RPS6KC1: variants seen among roughly 807,000 people sequenced by gnomAD.
RPS6KC1 encodes the protein ribosomal protein S6 kinase C1.
A neutral mutation model predicts 103.8 loss-of-function variants in RPS6KC1; 54 were observed. That is an observed-to-expected ratio of 0.52 (90% confidence interval 0.42 to 0.65). The LOEUF (loss-of-function observed/expected upper bound fraction) is 0.65, where lower values mean the gene tolerates loss of function less well. Ranked by LOEUF, RPS6KC1 falls within the 30% of genes least tolerant of loss-of-function variation. The pLI is 0.00. For synonymous variants in RPS6KC1, 439 were observed against 438.7 expected (o/e 1.00, Z -0.01); for missense variants, 1,151 against 1,253.8 (o/e 0.92, Z 1.24).
the RPS6KC1 span, among the ~76,000 whole-genome samples, chr1:213,770,439 C>T: frequency 9.4e-4 from 143 of 152,248 alleles, no homozygotes; most frequent in African/African-American, 2.9e-3. Context: ...ATGTTGTCTC[C>T]GGTTGTTATT....
chr1:213,447,650 A>G, the RPS6KC1 span, among the ~76,000 whole-genome samples: 4 of 152,088 alleles, frequency 2.6e-5, no homozygotes, highest in African/African-American at 4.8e-5. Flanking sequence ...CTTCAAGTCT[A>G]TTTCTCAAAG....
chr1:213,068,021 T>C (rs1158992754), intron 1 of RPS6KC1, among the ~76,000 whole-genome samples: 2 of 152,196 alleles, frequency 1.3e-5, no homozygotes, highest in South Asian at 2.1e-4. Context: ...ACTTAAGATA[T>C]CTGAATATAT....
chr1:213,138,083 A>G (rs966271384), intron 6 of RPS6KC1, among the ~76,000 whole-genome samples: 4 of 151,804 alleles, frequency 2.6e-5, no homozygotes, highest in Non-Finnish European at 5.9e-5. Context: ...TTTGGTGGCC[A>G]TTGTTGTCCT....
chr1:213,843,974 A>T, the RPS6KC1 span, among the ~76,000 whole-genome samples: 1 of 150,922 alleles, frequency 6.6e-6, no homozygotes, highest in Non-Finnish European at 1.5e-5. Context: ...GTTGTTGAGG[A>T]CTCCTTTAGT....
At position 213,221,501 on chromosome 1, in the gene RPS6KC1, T is replaced by C. The variant is rs76060906; in HGVS notation, c.1045-8996T>C. ...AGCAGCAGATGGTAAACCTTCAGGC[T>C]GCCACCAGCTAAACTGGTGTTAAGT... On this transcript the variant is annotated intron_variant, in intron 8 of 14. Coordinates refer to ENST00000366960, the MANE Select transcript of RPS6KC1 (RefSeq NM_012424.6). Among the ~76,000 whole-genome samples the C allele has an allele frequency of 4.3e-3, 661 of 152,328 alleles. 4 individuals carry two copies. Among genetic ancestry groups the C allele is most frequent in the African/African-American group, 0.015 (637 of 41,576 alleles).
the RPS6KC1 span, among the ~76,000 whole-genome samples, chr1:213,358,216 C>T: frequency 6.6e-6 from 1 of 152,142 alleles, no homozygotes; most frequent in Admixed American, 6.5e-5. Context: ...ATGGTACCAG[C>T]TCCTCCTTGT....
chr1:213,806,206 C>G, the RPS6KC1 span, among the ~76,000 whole-genome samples: 2 of 152,128 alleles, frequency 1.3e-5, no homozygotes, highest in African/African-American at 4.8e-5. Flanking sequence ...GTGGTGGGCA[C>G]CTGTAGTCCC....
chr1:213,569,653 C>G, the RPS6KC1 span, among the ~76,000 whole-genome samples: 2 of 151,856 alleles, frequency 1.3e-5, no homozygotes, highest in Non-Finnish European at 2.9e-5. Flanking sequence ...GTCTTAGGAA[C>G]AAGAAATGAG....
At chr1:213,542,875 T>C in the RPS6KC1 span, among the ~76,000 whole-genome samples, 1 of 152,206 alleles carries the variant, frequency 6.6e-6, no homozygotes, top group Non-Finnish European at 1.5e-5. Context: ...ACTGGAAAGA[T>C]ATAGCTTGGG....
intron 12 of RPS6KC1, among the ~76,000 whole-genome samples, chr1:213,248,502 C>T (rs893287741): frequency 6.6e-6 from 1 of 152,086 alleles, no homozygotes; most frequent in African/African-American, 2.4e-5. Context: ...TGAGACTTTT[C>T]CACTGAAGAA....
the RPS6KC1 span, among the ~76,000 whole-genome samples, chr1:213,738,599 T>A: frequency 6.6e-6 from 1 of 151,942 alleles, no homozygotes; most frequent in Non-Finnish European, 1.5e-5. Context: ...TATATAAATA[T>A]ATTGAGAAAA....
intron 8 of RPS6KC1, among the ~76,000 whole-genome samples, chr1:213,226,876 C>T (rs2093976412): frequency 6.6e-6 from 1 of 152,170 alleles, no homozygotes; most frequent in South Asian, 2.1e-4. Flanking sequence ...TATTTACTCA[C>T]AATATTTCAA....
chr1:213,724,187 AAG>A, the RPS6KC1 span, among the ~76,000 whole-genome samples: 1 of 152,116 alleles, frequency 6.6e-6, no homozygotes, highest in East Asian at 1.9e-4. Flanking sequence ...TCCTGGGTTG[AAG>A]TGATCCTCCT....
intron 12 of RPS6KC1, among the ~76,000 whole-genome samples, chr1:213,261,205 C>G (rs1293084249): frequency 1.3e-5 from 2 of 151,442 alleles, no homozygotes; most frequent in Non-Finnish European, 2.9e-5. Context: ...ATTTCTACAA[C>G]AAAAAAATCA....
the RPS6KC1 span, chr1:213,492,433 G>T: frequency 6.6e-6 from 1 of 152,244 alleles, no homozygotes. Flanking sequence ...GAGCCTTGTG[G>T]TATAGAGGCT....
chr1:213,682,515 T>C, the RPS6KC1 span, among the ~76,000 whole-genome samples: 2 of 152,190 alleles, frequency 1.3e-5, no homozygotes, highest in Non-Finnish European at 2.9e-5. Flanking sequence ...AAGAGGAAAG[T>C]GAAAACTGTC....
chr1:213,218,391 A>C (rs994556664), intron 8 of RPS6KC1, among the ~76,000 whole-genome samples: 134 of 152,250 alleles, frequency 8.8e-4, no homozygotes, highest in Non-Finnish European at 1.4e-3. Flanking sequence ...AAATGGAAGA[A>C]CATTCCATGC....
At chr1:213,755,051 A>G in the RPS6KC1 span, among the ~76,000 whole-genome samples, 1 of 152,174 alleles carries the variant, frequency 6.6e-6, no homozygotes, top group African/African-American at 2.4e-5. Flanking sequence ...CGTTCCTTAC[A>G]CTTAAGGTGA....
chr1:213,643,496 C>T, the RPS6KC1 span, among the ~76,000 whole-genome samples: 1 of 151,540 alleles, frequency 6.6e-6, no homozygotes, highest in East Asian at 1.9e-4. Context: ...ATCTGGTATC[C>T]AGAATATTAC....
Sources: gnomAD v4.1 joint callset for allele counts (sites outside exome capture counted in the v4.1 genomes callset) on GRCh38, gnomAD v4.1.1 for gene constraint, MANE v1.5 for transcripts, NCBI Gene and HGNC (gene_info 2026-07-23, HGNC 2026-07-21) for gene names.